FYB2: variants seen among roughly 807,000 people sequenced by gnomAD.
FYB2 encodes FYN binding protein 2.
Under a neutral mutation model 94.1 loss-of-function variants are expected in FYB2, and 103 were observed. That is an observed-to-expected ratio of 1.09 (90% CI 0.93 to 1.29). The LOEUF is 1.29. Among genes scored for constraint, FYB2 ranks in the 50% most tolerant of loss-of-function variants. FYB2 has a pLI of 0.00. For synonymous variants in FYB2, 293 were observed against 287.9 expected, an observed-to-expected ratio of 1.02 and a Z score of -0.18; for missense variants, 896 against 841.5, an observed-to-expected ratio of 1.06 and a Z score of -0.80.
At chr1:56,811,825 G>T (rs1162606910) in intron 1 of FYB2, among the ~76,000 whole-genome samples, 1 of 152,156 alleles carries the variant, frequency 6.6e-6, no homozygotes, top group Non-Finnish European at 1.5e-5. Flanking sequence ...TTTTAAAAGG[G>T]TGTGGAAGGT....
At chr1:56,755,865 A>G (rs1015269986) in intron 7 of FYB2, 31 bp downstream of exon 7, 3 of 1,579,444 alleles carry the variant, frequency 1.9e-6, no homozygotes, top group African/African-American at 1.4e-5. Flanking sequence ...GTGCTTGGAC[A>G]GGTGCTTTTC....
chr1:56,742,250 T>C, intron 11 of FYB2, 29 bp from the exon 12 acceptor site: 2 of 1,480,930 alleles, frequency 1.4e-6, no homozygotes, highest in Non-Finnish European at 1.9e-6. Context: ...CCTACTTATA[T>C]TCATTATAAT....
upstream of FYB2, among the ~76,000 whole-genome samples, chr1:56,823,015 G>C (rs1167191849): frequency 1.3e-5 from 2 of 152,094 alleles, no homozygotes; most frequent in African/African-American, 4.8e-5. Context: ...CTTTCAAAAG[G>C]GAGAGAAGGA....
intron 4 of FYB2, among the ~76,000 whole-genome samples, chr1:56,772,736 A>C (rs1356063415): frequency 6.6e-6 from 1 of 152,118 alleles, no homozygotes; most frequent in Non-Finnish European, 1.5e-5. Context: ...TTAAGCCTCC[A>C]TTTCCTGCTC....
intron 9 of FYB2, among the ~76,000 whole-genome samples, chr1:56,745,840 T>A (rs368146255): frequency 2.0e-5 from 3 of 152,018 alleles, no homozygotes; most frequent in African/African-American, 7.2e-5. Flanking sequence ...TCTCCTACTA[T>A]ACTCTTCCTC....
chr1:56,724,525 T>G (rs932400582), intron 16 of FYB2, among the ~76,000 whole-genome samples: 1 of 152,074 alleles, frequency 6.6e-6, no homozygotes, highest in Admixed American at 6.6e-5. Flanking sequence ...ACTTATTGCC[T>G]GAGATGCCAT....
chr1:56,809,654 T>TG (rs1646722206), intron 1 of FYB2, among the ~76,000 whole-genome samples: 1 of 152,226 alleles, frequency 6.6e-6, no homozygotes, highest in African/African-American at 2.4e-5. Flanking sequence ...CCACTCCCTG[T>TG]GCTCCTAGAG....
chr1:56,764,643 G>A (rs1645579288), intron 5 of FYB2, among the ~76,000 whole-genome samples: 1 of 151,098 alleles, frequency 6.6e-6, no homozygotes, highest in South Asian at 2.1e-4. Flanking sequence ...CCATAACTAT[G>A]CATTGGAAAA....
At chr1:56,823,610 A>G (rs1272910011), upstream of FYB2, 2 of 152,192 alleles carry the variant, frequency 1.3e-5, no homozygotes, top group African/African-American at 4.8e-5. Flanking sequence ...AAACATCTTA[A>G]TAAGTGTGTA....
At chr1:56,740,975 G>C (rs1342866829) in intron 12 of FYB2, among the ~76,000 whole-genome samples, 180 bp from the exon 13 acceptor site, 3 of 152,064 alleles carry the variant, frequency 2.0e-5, no homozygotes, top group Admixed American at 1.3e-4. Flanking sequence ...AAGCGGGAGG[G>C]TGGGAGGAAG....
At chr1:56,737,211 C>T in intron 14 of FYB2, 64 bp from the exon 15 acceptor site, 2 of 1,217,886 alleles carry the variant, frequency 1.6e-6, no homozygotes, top group Non-Finnish European at 2.3e-6. Flanking sequence ...CACTGACTTT[C>T]CAAATTATAC....
chr1:56,784,397 C>T (rs1045317158), intron 4 of FYB2, among the ~76,000 whole-genome samples: 19 of 152,100 alleles, frequency 1.2e-4, no homozygotes, highest in Admixed American at 5.2e-4. Flanking sequence ...TGAGAGCCTA[C>T]GTATACCATT....
At chr1:56,740,094 G>GAAC (rs1000804049) in intron 13 of FYB2, among the ~76,000 whole-genome samples, 25 of 152,152 alleles carry the variant, frequency 1.6e-4, no homozygotes, top group African/African-American at 6.0e-4. Flanking sequence ...ATAAATGGCA[G>GAAC]AACTGGTACT....
At chr1:56,809,509 C>T (rs1646718350) in intron 1 of FYB2, among the ~76,000 whole-genome samples, 1 of 152,238 alleles carries the variant, frequency 6.6e-6, no homozygotes, top group South Asian at 2.1e-4. Context: ...TGCCTCCATG[C>T]TTTTGCACAC....
chr1:56,771,845 T>G (rs1570092591), intron 4 of FYB2, among the ~76,000 whole-genome samples: 1 of 152,300 alleles, frequency 6.6e-6, no homozygotes, highest in East Asian at 1.9e-4. Flanking sequence ...TTTCCCCTCA[T>G]TTATTATAAT....
chr1:56,751,231 G>C (rs1645191041), intron 8 of FYB2, 28 bp from the exon 9 acceptor site: 5 of 1,605,868 alleles, frequency 3.1e-6, no homozygotes, highest in Non-Finnish European at 4.3e-6. Context: ...GGAGAATACT[G>C]TAGGGCTGTG....
intron 8 of FYB2, among the ~76,000 whole-genome samples, chr1:56,751,611 G>A (rs1351290056): frequency 6.6e-6 from 1 of 152,010 alleles, no homozygotes; most frequent in Non-Finnish European, 1.5e-5. Flanking sequence ...CTTGACCCCA[G>A]AACCTTGTTC....
At chr1:56,802,981 C>T (rs1174831029) in intron 1 of FYB2, among the ~76,000 whole-genome samples, 3 of 152,172 alleles carry the variant, frequency 2.0e-5, no homozygotes, top group African/African-American at 7.2e-5. Flanking sequence ...CCATCCATTT[C>T]TTTCCCTGCA....
At chr1:56,728,986 T>C (rs1644644081) in intron 15 of FYB2, among the ~76,000 whole-genome samples, 1 of 152,142 alleles carries the variant, frequency 6.6e-6, no homozygotes, top group Non-Finnish European at 1.5e-5. Flanking sequence ...GGTTTGGAAA[T>C]GCTGGACAGC....
Sources: gnomAD v4.1 joint callset for allele counts (sites outside exome capture counted in the v4.1 genomes callset) on GRCh38, gnomAD v4.1.1 for gene constraint, MANE v1.5 for transcripts, NCBI Gene and HGNC (gene_info 2026-07-23, HGNC 2026-07-21) for gene names.